Variants in ERBB4 observed in about 807,000 individuals in gnomAD.
ERBB4 encodes the protein erb-b2 receptor tyrosine kinase 4, also known as receptor tyrosine-protein kinase erbB-4.
In ERBB4, 42 loss-of-function variants were observed where a neutral mutation model predicts 158.0. That is an observed-to-expected ratio of 0.27 (90% CI 0.21 to 0.34). The LOEUF (loss-of-function observed/expected upper bound fraction) is 0.34. ERBB4 is among the 10% of genes least tolerant of loss of function. The pLI, the probability that ERBB4 is intolerant of heterozygous loss-of-function variation, is 1.00. For synonymous variants in ERBB4, 583 were observed against 558.7 expected (o/e 1.04, Z -0.61); for missense variants, 1,333 against 1,624.1 (o/e 0.82, Z 3.08).
At chr2:212,258,410 G>A (rs562621626) in intron 1 of ERBB4, among the ~76,000 whole-genome samples, 36 of 151,452 alleles carry the variant, frequency 2.4e-4, no homozygotes, top group East Asian at 1.5e-3. Context: ...GAAAAATACC[G>A]TCCACTGTCT....
At chr2:212,044,096 T>C (rs2077201904) in intron 2 of ERBB4, among the ~76,000 whole-genome samples, 2 of 152,110 alleles carry the variant, frequency 1.3e-5, no homozygotes, top group Non-Finnish European at 2.9e-5. Context: ...TTTATGTGCA[T>C]TGTCTAGGGT....
chr2:212,407,907 C>T (rs957005778), intron 1 of ERBB4, among the ~76,000 whole-genome samples: 1 of 151,764 alleles, frequency 6.6e-6, no homozygotes, highest in Admixed American at 6.6e-5. Context: ...TACTAGGTAG[C>T]TTAGTAAAAA....
At chr2:212,261,560 A>C (rs1426845795) in intron 1 of ERBB4, among the ~76,000 whole-genome samples, 3 of 152,180 alleles carry the variant, frequency 2.0e-5, no homozygotes, top group Non-Finnish European at 4.4e-5. Flanking sequence ...TACTATCCAC[A>C]ATAATTTTGG....
intron 16 of ERBB4, among the ~76,000 whole-genome samples, chr2:211,640,399 A>G (rs1463531478): frequency 6.6e-6 from 1 of 152,164 alleles, no homozygotes; most frequent in African/African-American, 2.4e-5. Flanking sequence ...TGGGAAAAAT[A>G]CCAGGATTTT....
chr2:212,443,865 C>A (rs1421583889), intron 1 of ERBB4, among the ~76,000 whole-genome samples: 1 of 152,190 alleles, frequency 6.6e-6, no homozygotes, highest in Non-Finnish European at 1.5e-5. Flanking sequence ...TGGACTATTA[C>A]TGGGCTTTGG....
At chr2:211,882,550 A>G (rs1335263148) in intron 3 of ERBB4, among the ~76,000 whole-genome samples, 1 of 152,230 alleles carries the variant, frequency 6.6e-6, no homozygotes, top group Admixed American at 6.5e-5. Context: ...GCAAAAATAG[A>G]TAATAAAATT....
At chr2:212,171,813 T>A (rs1343143302) in intron 1 of ERBB4, among the ~76,000 whole-genome samples, 1 of 152,126 alleles carries the variant, frequency 6.6e-6, no homozygotes, top group Non-Finnish European at 1.5e-5. Flanking sequence ...CAATTAAACC[T>A]CTTTTATTAC....
chr2:211,461,905 AAAC>A (rs2125503565), intron 20 of ERBB4, among the ~76,000 whole-genome samples: 1 of 152,098 alleles, frequency 6.6e-6, no homozygotes, highest in East Asian at 1.9e-4. Flanking sequence ...AAAAACAATA[AAAC>A]AACAACAAAA....
rs2075212371 is a variant in ERBB4 at position 211,753,884 on chromosome 2, G to A, written c.557-3180C>T. 2.9e-5 allele frequency among the ~76,000 whole-genome samples: 4 copies of A among 137,618 alleles called. No homozygotes were observed. In the South Asian group the frequency reaches 9.2e-4, roughly 32 times the overall value. The allele number at this position is 137,618 out of a possible 152,430, so 90.3% of individuals were successfully genotyped here. On this transcript the variant is annotated intron_variant, in intron 4 of 27. Transcript: ENST00000342788. ...TTTTTTTTTTTTTTTTTGAGACGGAGTCTCGCTCTGTCGCCCAGGCTGGAG... is the reference window on the plus strand; with the variant it reads ...TTTTTTTTTTTTTTTTTGAGACGGAATCTCGCTCTGTCGCCCAGGCTGGAG...
intron 2 of ERBB4, among the ~76,000 whole-genome samples, chr2:211,952,935 T>C (rs2080915999): frequency 1.3e-5 from 2 of 152,106 alleles, no homozygotes; most frequent in Admixed American, 6.6e-5. Flanking sequence ...CTCTCTGTTA[T>C]GTAACCTTTG....
intron 5 of ERBB4, among the ~76,000 whole-genome samples, chr2:211,746,372 C>T (rs2074973336): frequency 6.6e-6 from 1 of 152,192 alleles, no homozygotes; most frequent in South Asian, 2.1e-4. Flanking sequence ...GGAGTAAGCA[C>T]AGTGGCCGTT....
intron 3 of ERBB4, among the ~76,000 whole-genome samples, chr2:211,837,904 G>T (rs1262753853): frequency 6.6e-6 from 1 of 152,044 alleles, no homozygotes; most frequent in Non-Finnish European, 1.5e-5. Context: ...TATTCTTGAA[G>T]AAACTTCTAA....
At chr2:211,858,900 G>A (rs1032645788) in intron 3 of ERBB4, among the ~76,000 whole-genome samples, 1 of 152,074 alleles carries the variant, frequency 6.6e-6, no homozygotes, top group African/African-American at 2.4e-5. Context: ...TCCTGCCTTA[G>A]CCTCCCGAGT....
chr2:212,181,616 G>A (rs1183974233), intron 1 of ERBB4, among the ~76,000 whole-genome samples: 1 of 151,596 alleles, frequency 6.6e-6, no homozygotes, highest in African/African-American at 2.4e-5. Flanking sequence ...TTACTGCAAT[G>A]CGTAGCAGTT....
chr2:211,933,036 A>G (rs1161106063), intron 3 of ERBB4, among the ~76,000 whole-genome samples: 1 of 152,034 alleles, frequency 6.6e-6, no homozygotes, highest in Non-Finnish European at 1.5e-5. Flanking sequence ...GGAGTTGATA[A>G]CCTACATTGT....
intron 1 of ERBB4, among the ~76,000 whole-genome samples, chr2:212,366,120 A>C (rs562786469): frequency 6.6e-6 from 1 of 152,082 alleles, no homozygotes; most frequent in Non-Finnish European, 1.5e-5. Flanking sequence ...AAAAATATAA[A>C]TTTGATTGGC....
intron 2 of ERBB4, among the ~76,000 whole-genome samples, chr2:212,040,346 A>ATTATATTT (rs1334740748): frequency 5.7e-4 from 87 of 152,238 alleles, no homozygotes; most frequent in African/African-American, 2.0e-3. Flanking sequence ...GATTTTTAGA[A>ATTATATTT]AGAAAACACT....
chr2:211,395,724 GTATT>G lies in ERBB4; in HGVS notation c.3136-7736_3136-7733del, dbSNP rs2062900364. ...TTAATTAACATATTAGTTAAAAGTAGTATTTATTAAAATGGTACTTTGTCTACAA... is the reference window on the plus strand; with the variant it reads ...TTAATTAACATATTAGTTAAAAGTAGTATTAAAATGGTACTTTGTCTACAA... On this transcript the variant is annotated intron_variant, in intron 25 of 27. Coordinates refer to ENST00000342788, the MANE Select transcript of ERBB4 (RefSeq NM_005235.3). Among the ~76,000 whole-genome samples the G allele has an allele frequency of 2.0e-5, 3 of 152,108 alleles. No homozygotes were observed. The South Asian group carries it at 6.2e-4, about 32-fold the overall frequency.
At chr2:211,515,512 AAG>A (rs2065999135) in intron 20 of ERBB4, among the ~76,000 whole-genome samples, 1 of 152,076 alleles carries the variant, frequency 6.6e-6, no homozygotes, top group South Asian at 2.1e-4. Context: ...TGCATATTAG[AAG>A]AGAGTCTAAA....
Sources: allele counts gnomAD v4.1 joint callset (sites outside exome capture counted in the v4.1 genomes callset), GRCh38; gene constraint gnomAD v4.1.1; transcripts MANE v1.5; gene names NCBI Gene and HGNC (gene_info 2026-07-23, HGNC 2026-07-21).